The following DNAJC5B variants were observed in gnomAD, a reference collection of about 807,000 sequenced individuals.
DNAJC5B encodes the protein DnaJ heat shock protein family (Hsp40) member C5 beta.
A neutral mutation model predicts 24.7 loss-of-function variants in DNAJC5B; 23 were observed. The ratio of observed to expected loss-of-function variants is 0.93; its 90% CI spans 0.67 to 1.32. DNAJC5B has a LOEUF of 1.32. DNAJC5B is among the 40% of genes most tolerant of loss of function. DNAJC5B has a pLI of 0.00. For missense variants in DNAJC5B, 238 were observed against 240.8 expected (o/e 0.99, Z 0.08); for synonymous variants, 101 against 90.1 (o/e 1.12, Z -0.68).
chr8:66,087,506 A>G (rs1195560876), intron 5 of DNAJC5B, among the ~76,000 whole-genome samples: 1 of 152,192 alleles, frequency 6.6e-6, no homozygotes, highest in African/African-American at 2.4e-5. Context: ...TCATTCCAGC[A>G]TCAACTCAAA....
intron 5 of DNAJC5B, among the ~76,000 whole-genome samples, chr8:66,092,896 T>C (rs1442203048): frequency 1.3e-5 from 2 of 152,162 alleles, no homozygotes; most frequent in Non-Finnish European, 2.9e-5. Flanking sequence ...CGCTGAAGTG[T>C]GGGGTACAGA....
chr8:66,019,126 C>T (rs576468377), upstream of DNAJC5B, among the ~76,000 whole-genome samples: 4 of 152,258 alleles, frequency 2.6e-5, no homozygotes, highest in East Asian at 7.7e-4. Context: ...TATGCTCAGC[C>T]AAGACAAAAC....
At chr8:66,035,529 C>A (rs185663475) in intron 1 of DNAJC5B, among the ~76,000 whole-genome samples, 1 of 152,188 alleles carries the variant, frequency 6.6e-6, no homozygotes, top group East Asian at 1.9e-4. Context: ...AGACCCAGGG[C>A]AGAACAGCAT....
chr8:66,041,463 T>C (rs73241293), intron 1 of DNAJC5B, among the ~76,000 whole-genome samples: 3,434 of 152,276 alleles, frequency 0.023, 137 homozygotes, highest in African/African-American at 0.078. Flanking sequence ...GAAAGAGGTG[T>C]ATAAGGGGTC....
At position 66,021,633 on chromosome 8, in the gene DNAJC5B, TC is replaced by T. The variant is rs1330002293; in HGVS notation, c.-213del. The stretch of plus-strand genomic sequence containing the variant: ...GGGATCAGCCAGCCATGCCTCCAGT[TC>T]AGGTACTTGGCATTGCTAAGCTCAG... On this transcript the variant is annotated 5_prime_UTR_variant, in exon 1 of 6. It removes the in-frame stop codon of an upstream open reading frame in the 5' UTR. Coordinates refer to ENST00000276570, the MANE Select transcript of DNAJC5B (RefSeq NM_033105.6). 2.0e-5 allele frequency: 3 copies of T among 152,326 alleles called. No individual in the cohort carries two copies. The highest frequency in any genetic ancestry group is 4.4e-5 in the Non-Finnish European group (3 of 68,108). 9.4% of individuals were successfully genotyped at this position (152,326 alleles called of 1,614,324 possible). A position where few individuals can be genotyped will look rare whatever the true frequency, so the allele number is the denominator to read the frequency against.
intron 3 of DNAJC5B, among the ~76,000 whole-genome samples, chr8:66,064,378 G>A (rs1017769920): frequency 2.0e-5 from 3 of 152,160 alleles, no homozygotes; most frequent in South Asian, 2.1e-4. Flanking sequence ...GCCAGAAGCC[G>A]GCAGGAGGAA....
intron 1 of DNAJC5B, among the ~76,000 whole-genome samples, chr8:66,028,106 T>G (rs901073203): frequency 6.6e-6 from 1 of 152,042 alleles, no homozygotes; most frequent in African/African-American, 2.4e-5. Context: ...TTGTCTGGAG[T>G]GTTCAGGTTG....
At chr8:66,028,585 C>G (rs1586061247) in intron 1 of DNAJC5B, among the ~76,000 whole-genome samples, 1 of 107,980 alleles carries the variant, frequency 9.3e-6, no homozygotes, top group South Asian at 2.2e-4. Flanking sequence ...TCACCATATT[C>G]CCAGTTTCTC....
intron 3 of DNAJC5B, among the ~76,000 whole-genome samples, chr8:66,072,744 G>A (rs566429864): frequency 1.1e-4 from 16 of 152,240 alleles, no homozygotes; most frequent in Middle Eastern, 3.4e-3. Flanking sequence ...AGCACTTAGA[G>A]GAAAATTTAT....
chr8:66,016,831 G>C (rs1376851176), upstream of DNAJC5B, among the ~76,000 whole-genome samples: 2 of 152,186 alleles, frequency 1.3e-5, 1 homozygote, highest in African/African-American at 4.8e-5. Flanking sequence ...AAAGTTTTCT[G>C]AGACAGAGAC....
chr8:66,074,367 T>G (rs1807415552), intron 3 of DNAJC5B, among the ~76,000 whole-genome samples: 1 of 152,206 alleles, frequency 6.6e-6, no homozygotes, highest in African/African-American at 2.4e-5. Context: ...TGCCTCAAAA[T>G]AGGAAGATCT....
chr8:66,059,013 T>C (rs891254486), intron 3 of DNAJC5B, among the ~76,000 whole-genome samples: 1 of 152,264 alleles, frequency 6.6e-6, no homozygotes, highest in Non-Finnish European at 1.5e-5. Flanking sequence ...TTGGTGCTGC[T>C]GTTTAAAAAC....
chr8:66,097,321 C>T (rs747906336), intron 5 of DNAJC5B, among the ~76,000 whole-genome samples: 9 of 151,004 alleles, frequency 6.0e-5, no homozygotes, highest in Non-Finnish European at 1.3e-4. Context: ...GAAAATTTAT[C>T]AAATGTACTT....
intron 5 of DNAJC5B, among the ~76,000 whole-genome samples, chr8:66,088,650 G>C (rs1484996993): frequency 6.6e-6 from 1 of 152,102 alleles, no homozygotes; most frequent in Non-Finnish European, 1.5e-5. Context: ...ATGCTTTGCT[G>C]CTTAGAAATT....
At chr8:66,048,998 T>C (rs1042988740) in intron 2 of DNAJC5B, among the ~76,000 whole-genome samples, 1 of 152,238 alleles carries the variant, frequency 6.6e-6, no homozygotes. Flanking sequence ...CTATACTTGG[T>C]ACTTCTCTGA....
intron 5 of DNAJC5B, among the ~76,000 whole-genome samples, chr8:66,090,685 A>G (rs1807828526): frequency 6.6e-6 from 1 of 152,120 alleles, no homozygotes; most frequent in Non-Finnish European, 1.5e-5. Context: ...ATGGCTTGTA[A>G]TTAGACTCTC....
At chr8:66,026,741 C>T (rs150367686) in intron 1 of DNAJC5B, among the ~76,000 whole-genome samples, 1 of 152,374 alleles carries the variant, frequency 6.6e-6, no homozygotes, top group African/African-American at 2.4e-5. Flanking sequence ...AAGGAGCTCT[C>T]CTGCTGTTTA....
At chr8:66,074,714 T>A (rs1381802619) in intron 3 of DNAJC5B, among the ~76,000 whole-genome samples, 1 of 152,352 alleles carries the variant, frequency 6.6e-6, no homozygotes, top group East Asian at 1.9e-4. Context: ...AGTTGTTTCC[T>A]TGCTCTATGG....
intron 5 of DNAJC5B, among the ~76,000 whole-genome samples, chr8:66,081,776 G>C (rs780338068): frequency 2.0e-5 from 3 of 152,070 alleles, no homozygotes; most frequent in Non-Finnish European, 4.4e-5. Context: ...CTTGCTGTGG[G>C]GACCTGTAGG....
Sources: allele counts gnomAD v4.1 joint callset (sites outside exome capture counted in the v4.1 genomes callset), GRCh38; gene constraint gnomAD v4.1.1; transcripts MANE v1.5; gene names NCBI Gene and HGNC (gene_info 2026-07-23, HGNC 2026-07-21).